The following TM9SF2 variants were observed in gnomAD, a reference collection of about 807,000 sequenced individuals.
The protein encoded by TM9SF2 is 76 kDa membrane protein.
A neutral mutation model predicts 84.9 loss-of-function variants in TM9SF2; 13 were observed. The observed-to-expected ratio is 0.15, with a 90% CI of 0.10 to 0.24. TM9SF2 has a LOEUF of 0.24. TM9SF2 is among the 10% of genes least tolerant of loss of function. The probability of loss-of-function intolerance (pLI) is 1.00; values close to 1 mark genes in which losing one functional copy is unlikely to be tolerated. For synonymous variants in TM9SF2, 273 were observed against 285.8 expected (o/e 0.96, Z 0.45); for missense variants, 562 against 818.5 (o/e 0.69, Z 3.82).
intron 11 of TM9SF2, 42 bp downstream of exon 11, chr13:99,547,146 A>C (rs1283691211): frequency 1.2e-6 from 2 of 1,607,004 alleles, no homozygotes; most frequent in Admixed American, 3.3e-5. Context: ...TCAGGAAGGG[A>C]CTCTGCTGCG....
chr13:99,514,139 A>C (rs564904218), intron 1 of TM9SF2: 2 of 152,338 alleles, frequency 1.3e-5, no homozygotes, highest in Non-Finnish European at 2.9e-5. Context: ...CCTATTGCCT[A>C]GTGACATCAT....
At chr13:99,506,121 T>C (rs902133594) in intron 1 of TM9SF2, among the ~76,000 whole-genome samples, 9 of 152,244 alleles carry the variant, frequency 5.9e-5, no homozygotes, top group African/African-American at 2.2e-4. Flanking sequence ...AGAAGCATTT[T>C]ATAAGTTGTG....
chr13:99,527,267 C>T (rs953529367), intron 3 of TM9SF2, among the ~76,000 whole-genome samples: 1 of 152,074 alleles, frequency 6.6e-6, no homozygotes, highest in Non-Finnish European at 1.5e-5. Flanking sequence ...TCCGTTCTGA[C>T]GCTGCTGTGA....
intron 1 of TM9SF2, among the ~76,000 whole-genome samples, chr13:99,511,967 T>G (rs967124361): frequency 2.0e-5 from 3 of 152,296 alleles, no homozygotes; most frequent in Admixed American, 1.3e-4. Flanking sequence ...CTATCAGAAT[T>G]GTGCGTGATA....
At chr13:99,508,850 A>G (rs1594044085) in intron 1 of TM9SF2, among the ~76,000 whole-genome samples, 1 of 152,254 alleles carries the variant, frequency 6.6e-6, no homozygotes, top group South Asian at 2.1e-4. Flanking sequence ...CCCATGATCT[A>G]GTCACCTCCC....
At chr13:99,536,886 C>A in intron 5 of TM9SF2, 149 bp downstream of exon 5, 2 of 812,166 alleles carry the variant, frequency 2.5e-6, no homozygotes, top group Non-Finnish European at 3.7e-6. Flanking sequence ...AAACTTACAG[C>A]AGATTAATAA....
rs1000454223 is a variant in TM9SF2, at chr13:99,559,684, C to T, written c.1924+150C>T. 5 of 708,832 alleles carry T rather than the reference C, an allele frequency of 7.1e-6. No individual in the cohort carries two copies. In the African/African-American group the frequency reaches 7.2e-5, roughly 10 times the overall value. The allele number at this position is 708,832 out of a possible 1,614,324, so 43.9% of individuals were successfully genotyped here. ...GCACAACTAGGCATAGTTGGGTCTG[C>T]CCACCTGTGAGTTGCATAAAGATGA... On this transcript the variant is annotated intron_variant, in intron 16 of 16. Transcript: ENST00000376387.
At chr13:99,512,581 G>A (rs17610481) in intron 1 of TM9SF2, among the ~76,000 whole-genome samples, 14,923 of 152,248 alleles carry the variant, frequency 0.098, 873 homozygotes, top group East Asian at 0.21. Flanking sequence ...TACTGAAATG[G>A]AATAAGAGTG....
intron 2 of TM9SF2, among the ~76,000 whole-genome samples, chr13:99,518,827 T>C (rs1261114881): frequency 6.6e-6 from 1 of 151,146 alleles, no homozygotes; most frequent in African/African-American, 2.4e-5. Flanking sequence ...TTGTCCAGGC[T>C]GTCCTTAAAC....
Position 99,529,614 on chromosome 13 carries a change from G to A in TM9SF2, c.461+20G>A, listed in dbSNP as rs1271187698. ...TCACTGGTAAGGCATGAATATTTTC[G>A]ATTTTGGGGTTTATCCTTTCCATAT... On this transcript the variant is annotated intron_variant, in intron 4 of 16. Transcript: ENST00000376387. The A allele has an allele frequency of 4.6e-6, 7 of 1,510,044 alleles. No individual in the cohort carries two copies. In the East Asian group the frequency reaches 1.5e-4, roughly 33 times the overall value. 93.5% of individuals were successfully genotyped at this position (1,510,044 alleles called of 1,614,324 possible). A position where few individuals can be genotyped will look rare whatever the true frequency, so the allele number is the denominator to read the frequency against.
Position 99,540,709 on chromosome 13 carries a change from T to C in TM9SF2, c.829-5T>C. The C allele has an allele frequency of 1.2e-6, 2 of 1,612,968 alleles. No homozygotes were observed. The highest frequency in any genetic ancestry group is 1.7e-6 in the Non-Finnish European group (2 of 1,179,382). On this transcript the variant is annotated splice_region_variant and splice_polypyrimidine_tract_variant and intron_variant, in intron 7 of 16. Transcript: ENST00000376387. ...TACTTAAAGAGATTTTTTAATCTCC[T>C]CTAGGAAGATGATAAGATCAGATGG...
At chr13:99,553,269 G>A (rs71439609) in intron 13 of TM9SF2, among the ~76,000 whole-genome samples, 26,414 of 152,206 alleles carry the variant, frequency 0.17, 2,479 homozygotes, top group Non-Finnish European at 0.2. Context: ...AGCAGGACCC[G>A]GAAGGCCCTG....
chr13:99,522,622 C>A (rs2046165566), intron 3 of TM9SF2, among the ~76,000 whole-genome samples: 1 of 152,188 alleles, frequency 6.6e-6, no homozygotes, highest in Admixed American at 6.5e-5. Context: ...GCCTCTCAGC[C>A]CCATCTCTCT....
intron 15 of TM9SF2, among the ~76,000 whole-genome samples, chr13:99,558,055 C>A (rs2046331390): frequency 6.6e-6 from 1 of 152,168 alleles, no homozygotes; most frequent in Non-Finnish European, 1.5e-5. Flanking sequence ...ATCCAGTTAT[C>A]CAGCACCATT....
At chr13:99,518,788 A>AT (rs1022960290) in intron 2 of TM9SF2, among the ~76,000 whole-genome samples, 1 of 84,954 alleles carries the variant, frequency 1.2e-5, no homozygotes, top group African/African-American at 4.2e-5. Context: ...TTTTTTTTTA[A>AT]TTTTTTGTGG....
intron 15 of TM9SF2, among the ~76,000 whole-genome samples, chr13:99,559,130 C>T (rs1346036612): frequency 6.6e-6 from 1 of 152,162 alleles, no homozygotes; most frequent in Non-Finnish European, 1.5e-5. Context: ...AAGCTGCTTC[C>T]ACACATTTTT....
At chr13:99,562,641 G>C in intron 16 of TM9SF2, 50 bp from the exon 17 acceptor site, 1 of 1,569,866 alleles carries the variant, frequency 6.4e-7, no homozygotes. Context: ...TTTGTGTAAA[G>C]TATGAAACTT....
intron 5 of TM9SF2, 110 bp from the exon 6 acceptor site, chr13:99,537,629 T>G: frequency 1.1e-6 from 1 of 897,474 alleles, no homozygotes; most frequent in Non-Finnish European, 1.6e-6. Context: ...AGGCTTAAAA[T>G]TCCATTCAAA....
chr13:99,528,511 A>C (rs1427356882), intron 3 of TM9SF2, among the ~76,000 whole-genome samples: 1 of 152,214 alleles, frequency 6.6e-6, no homozygotes, highest in Non-Finnish European at 1.5e-5. Flanking sequence ...TGAAGTGAGC[A>C]CTGGATTGAG....
Sources: gnomAD v4.1 joint callset for allele counts (sites outside exome capture counted in the v4.1 genomes callset) on GRCh38, gnomAD v4.1.1 for gene constraint, MANE v1.5 for transcripts, NCBI Gene and HGNC (gene_info 2026-07-23, HGNC 2026-07-21) for gene names.